The following ATP1A2 variants were observed in gnomAD, a reference collection of about 807,000 sequenced individuals.
ATP1A2 encodes the protein sodium/potassium-transporting ATPase subunit alpha-2.
In ATP1A2, 56 loss-of-function variants were observed where a neutral mutation model predicts 113.1. The observed-to-expected ratio is 0.49, with a 90% CI of 0.40 to 0.62. The LOEUF (loss-of-function observed/expected upper bound fraction) is 0.62, where lower values mean the gene tolerates loss of function less well. Among genes scored for constraint, ATP1A2 ranks in the 20% least tolerant of loss-of-function variants. The probability of loss-of-function intolerance (pLI) is 0.00; values close to 1 mark genes in which losing one functional copy is unlikely to be tolerated. For synonymous variants in ATP1A2, 490 were observed against 526.8 expected, an observed-to-expected ratio of 0.93 and a Z score of 0.96; for missense variants, 712 against 1,357.8, an observed-to-expected ratio of 0.52 and a Z score of 7.47.
intron 5 of ATP1A2, 69 bp from the exon 6 acceptor site, chr1:160,124,227 G>A: frequency 6.4e-7 from 1 of 1,557,184 alleles, no homozygotes; most frequent in Non-Finnish European, 8.7e-7. Context: ...TGACGGTGTG[G>A]GAGACCAGCA....
chr1:160,137,417 G>A (rs970597435), intron 20 of ATP1A2, among the ~76,000 whole-genome samples: 8 of 152,138 alleles, frequency 5.3e-5, no homozygotes, highest in East Asian at 3.9e-4. Flanking sequence ...TGGAGGCCAC[G>A]TGCTGCCGAG....
Position 160,137,050 on chromosome 1 carries a change from G to A in ATP1A2, c.2840+19G>A, listed in dbSNP as rs758819098. On this transcript the variant is annotated intron_variant, in intron 20 of 22. Coordinates refer to ENST00000361216, the MANE Select transcript of ATP1A2 (RefSeq NM_000702.4). ...GCATGAAGTGAGTGCCCACCCCCATGGCACCTACCCACCCAGGCTCTGGGC... is the reference window on the plus strand; with the variant it reads ...GCATGAAGTGAGTGCCCACCCCCATAGCACCTACCCACCCAGGCTCTGGGC... 2 of 1,613,592 alleles carry A rather than the reference G, an allele frequency of 1.2e-6. No homozygotes were observed. The highest frequency in any genetic ancestry group is 8.5e-7 in the Non-Finnish European group (1 of 1,179,926).
rs780226916 is a variant in ATP1A2 at position 160,130,488 on chromosome 1, T to C, written c.1718T>C (p.Leu573Pro). The change falls in exon 13 of 23, where the codon CTG (leucine) becomes CCG (proline). Residue 573 changes from leucine (L) to proline (P), a missense_variant. Physicochemically the swap from Leu to Pro is moderately conservative, Grantham distance 98. Around this residue, in one of 6 missense-constraint regions of ATP1A2, gnomAD observed 263 missense variants for 380.6 expected, o/e 0.69. Coordinates refer to ENST00000361216, the MANE Select transcript of ATP1A2 (RefSeq NM_000702.4). ...GGCTTCAAATTCGACACGGATGAGC[T>C]GAACTTTCCCACGGAGAAGCTTTGC... ...PRGFKFDTDE[L>P]NFPTEKLCFV... 1 of 1,614,250 alleles carries C rather than the reference T, an allele frequency of 6.2e-7. No homozygotes were observed. The highest frequency in any genetic ancestry group is 1.7e-5 in the Admixed American group (1 of 60,028).
rs1259947290 is a variant in ATP1A2, at chr1:160,123,466, C to G, written c.381+50C>G. The stretch of plus-strand genomic sequence containing the variant: ...AACAGCCCGTGACTGTCCTCCAACC[C>G]TGAACCCCCAACACAGTGGGGGGTG... On this transcript the variant is annotated intron_variant, in intron 4 of 22. Coordinates refer to ENST00000361216, the MANE Select transcript of ATP1A2 (RefSeq NM_000702.4). 1.9e-6 allele frequency: 3 copies of G among 1,611,270 alleles called. No homozygotes were observed. The African/African-American group carries it at 4.0e-5, about 22-fold the overall frequency.
intron 22 of ATP1A2, 72 bp from the exon 23 acceptor site, chr1:160,141,222 G>A (rs1652138515): frequency 5.0e-6 from 8 of 1,594,962 alleles, no homozygotes; most frequent in African/African-American, 1.3e-5. Context: ...AGCGACCCAA[G>A]CCCCTAGGAA....
rs147680500 is a variant in ATP1A2 at position 160,141,384 on chromosome 1, G to T, written c.*62G>T. 3.4e-4 allele frequency: 551 copies of T among 1,598,614 alleles called. 5 individuals are homozygous for T. The African/African-American group carries it at 5.2e-3, about 15-fold the overall frequency. On this transcript the variant is annotated 3_prime_UTR_variant, in exon 23 of 23. Transcript: ENST00000361216. ...GAGCTCTGGAGGTGTTGTGGGGATG[G>T]TGATGGAGAGGGATGGAAATAACGG...
At chr1:160,133,002 T>G (rs933120752) in intron 13 of ATP1A2, among the ~76,000 whole-genome samples, 2 of 151,972 alleles carry the variant, frequency 1.3e-5, no homozygotes, top group African/African-American at 4.8e-5. Flanking sequence ...GAATCATCTC[T>G]GCATTGTGCT....
chr1:160,137,186 T>A, intron 20 of ATP1A2, 155 bp downstream of exon 20: 1 of 1,276,370 alleles, frequency 7.8e-7, no homozygotes, highest in Non-Finnish European at 1.1e-6. Flanking sequence ...AGGTTTCATA[T>A]AGAAGAGAGA....
chr1:160,129,138 G>GC (rs17846711), intron 10 of ATP1A2, 49 bp downstream of exon 10: 1 of 1,462,324 alleles, frequency 6.8e-7, no homozygotes, highest in East Asian at 2.5e-5. Flanking sequence ...TGTCTCCAAA[G>GC]CCTCTTGCTG....
intron 4 of ATP1A2, 98 bp downstream of exon 4, chr1:160,123,514 T>C: frequency 6.8e-7 from 1 of 1,471,576 alleles, no homozygotes; most frequent in Non-Finnish European, 9.5e-7. Context: ...GGCCCTCACA[T>C]AACAGTCCTA....
intron 20 of ATP1A2, among the ~76,000 whole-genome samples, chr1:160,139,377 C>A (rs1356334835): frequency 6.6e-6 from 1 of 152,182 alleles, no homozygotes; most frequent in Admixed American, 6.5e-5. Context: ...CAGTACAGAA[C>A]ACGTCACCCA....
chr1:160,115,782 T>C lies in ATP1A2; in HGVS notation c.-80T>C. 1 of 1,541,632 alleles carries C rather than the reference T, an allele frequency of 6.5e-7. No individual in the cohort carries two copies. The highest frequency in any genetic ancestry group is 8.8e-7 in the Non-Finnish European group (1 of 1,135,090). On this transcript the variant is annotated 5_prime_UTR_variant, in exon 1 of 23. Coordinates refer to ENST00000361216, the MANE Select transcript of ATP1A2 (RefSeq NM_000702.4). ...TTCTCTGTCTGCCAGGGTCTCCGAC[T>C]GTCCCAGACGGGCTGGTGTGGGCTT...
intron 1 of ATP1A2, among the ~76,000 whole-genome samples, chr1:160,119,388 C>T (rs897795061): frequency 6.6e-6 from 1 of 151,148 alleles, no homozygotes; most frequent in African/African-American, 2.4e-5. Context: ...CTAGTGCAGA[C>T]TTTGCAGAAT....
In ATP1A2 at chr1:160,125,153, A is replaced by G; in HGVS notation, c.648A>G (p.Leu216=). ...CTCCTCAGGTGGATAACTCATCCTT[A>G]ACAGGAGAGTCGGAGCCCCAGACCC... is the stretch of plus-strand genomic sequence containing the variant. ...SHGCKVDNSS[L]TGESEPQTRS... Residue 216 remains leucine, a synonymous_variant, in exon 7 of 23, where the codon TTA becomes TTG. Coordinates refer to ENST00000361216, the MANE Select transcript of ATP1A2 (RefSeq NM_000702.4). 1 of 1,614,074 alleles carries G rather than the reference A, an allele frequency of 6.2e-7. No individual in the cohort carries two copies. Among genetic ancestry groups the G allele is most frequent in the Non-Finnish European group, 8.5e-7 (1 of 1,179,986 alleles).
chr1:160,132,254 G>A (rs573135419), intron 13 of ATP1A2, among the ~76,000 whole-genome samples: 1 of 152,212 alleles, frequency 6.6e-6, no homozygotes, highest in East Asian at 1.9e-4. Context: ...GAGTACTGGG[G>A]GTTGAGACTG....
At position 160,135,980 on chromosome 1, in the gene ATP1A2, TG is replaced by T. The variant is rs1392999660; in HGVS notation, c.2429del (p.Gly810AlafsTer20). ...ACTGTGACCATCCTTTGCATTGACC[TG>T]GGCACAGATATGGTGAGCGCAGGAG... Reference protein sequence around the residue: ...LGTVTILCIDLGTDMVPAISL... With the variant: ...LGTVTILCIDXGTDMVPAISL... On this transcript the variant is annotated frameshift_variant, in exon 17 of 23. Transcript: ENST00000361216. LOFTEE classifies it high-confidence loss of function. The surrounding 1 kb of genome is among the most constrained non-coding windows in gnomAD (Gnocchi z 6.3). The T allele has an allele frequency of 6.2e-7, 1 of 1,613,850 alleles. No homozygotes were observed. Among genetic ancestry groups the T allele is most frequent in the Non-Finnish European group, 8.5e-7 (1 of 1,179,990 alleles).
chr1:160,123,576 T>G (rs2101985650), intron 4 of ATP1A2, among the ~76,000 whole-genome samples, 160 bp downstream of exon 4: 1 of 152,326 alleles, frequency 6.6e-6, no homozygotes, highest in East Asian at 1.9e-4. Flanking sequence ...TATATATATC[T>G]GTAAAGTACT....
chr1:160,141,030 T>A (rs2101999825), intron 22 of ATP1A2, among the ~76,000 whole-genome samples: 1 of 152,024 alleles, frequency 6.6e-6, no homozygotes, highest in South Asian at 2.1e-4. Flanking sequence ...GCCCGACTAA[T>A]TTTTTGTATT....
rs1651910017 is a variant in ATP1A2, at chr1:160,135,531, T to C, written c.2213T>C (p.Val738Ala). Residue 738 changes from valine (V) to alanine (A), a missense_variant, in exon 16 of 23, where the codon GTC becomes GCC. By Grantham distance (64) the Val-to-Ala change is moderately conservative. This residue lies in a region of ATP1A2 where 188 missense variants were observed against 438.9 expected (regional missense o/e 0.43). Transcript: ENST00000361216. The surrounding 1 kb of genome is among the most constrained non-coding windows in gnomAD (Gnocchi z 6.3). ...GIAMGISGSDVSKQAADMILL... is the reference protein window; with the variant it reads ...GIAMGISGSDASKQAADMILL... ...GCCATGGGCATCTCTGGCTCTGACG[T>C]CTCTAAGCAGGCAGCCGACATGATC... is the stretch of plus-strand genomic sequence containing the variant. 6.2e-7 allele frequency: 1 copy of C among 1,614,018 alleles called. No homozygotes were observed.
Sources: gnomAD v4.1 joint callset for allele counts (sites outside exome capture counted in the v4.1 genomes callset) on GRCh38, gnomAD v4.1.1 for gene constraint, gnomAD v4.1.1 regional missense constraint, Gnocchi (gnomAD v3.1) non-coding constraint, MANE v1.5 for transcripts, NCBI Gene and HGNC (gene_info 2026-07-23, HGNC 2026-07-21) for gene names.